PHF21A: variants seen among roughly 807,000 people sequenced by gnomAD.
The protein encoded by PHF21A is PHD finger protein 21A.
PHF21A carries 11 observed loss-of-function variants against 82.5 expected under a neutral mutation model. The observed-to-expected ratio is 0.13, with a 90% CI of 0.08 to 0.22. The LOEUF (loss-of-function observed/expected upper bound fraction) is 0.22, where lower values mean the gene tolerates loss of function less well. PHF21A is among the 10% of genes least tolerant of loss of function. The probability of loss-of-function intolerance (pLI) is 1.00; values close to 1 mark genes in which losing one functional copy is unlikely to be tolerated. For missense variants in PHF21A, 579 were observed against 837.8 expected (o/e 0.69, Z 3.81); for synonymous variants, 297 against 302.8 (o/e 0.98, Z 0.20).
At chr11:46,015,031 A>T (rs200425880) in intron 6 of PHF21A, among the ~76,000 whole-genome samples, 114 of 96,108 alleles carry the variant, frequency 1.2e-3, no homozygotes, top group East Asian at 2.8e-3. Flanking sequence ...AAAAAATAAA[A>T]AATAGTTATT....
intron 12 of PHF21A, 114 bp from the exon 13 acceptor site, chr11:45,949,595 T>C (rs2091833669): frequency 2.3e-6 from 2 of 879,932 alleles, no homozygotes; most frequent in South Asian, 1.4e-5. Context: ...GGGACAAGTC[T>C]CTGTTTCACT....
chr11:45,937,527 C>T (rs762609466), intron 16 of PHF21A, among the ~76,000 whole-genome samples: 2 of 152,202 alleles, frequency 1.3e-5, no homozygotes, highest in Non-Finnish European at 2.9e-5. Flanking sequence ...GTCACCCAGG[C>T]TGGAGTGCAG....
At chr11:46,075,918 TA>T (rs1410474598) in intron 6 of PHF21A, among the ~76,000 whole-genome samples, 1 of 152,340 alleles carries the variant, frequency 6.6e-6, no homozygotes, top group East Asian at 1.9e-4. Flanking sequence ...AAATCCTCAA[TA>T]AAATGTCACT....
At chr11:46,087,878 C>G (rs1439920078) in intron 3 of PHF21A, among the ~76,000 whole-genome samples, 1 of 152,136 alleles carries the variant, frequency 6.6e-6, no homozygotes, top group Non-Finnish European at 1.5e-5. Flanking sequence ...GCCTTAGCAT[C>G]TTGAGTAGCT....
At chr11:46,056,249 A>T (rs1274206146) in intron 6 of PHF21A, among the ~76,000 whole-genome samples, 1 of 152,148 alleles carries the variant, frequency 6.6e-6, no homozygotes, top group East Asian at 1.9e-4. Context: ...GTCTTTCTCA[A>T]GAGAGTCAAT....
intron 4 of PHF21A, among the ~76,000 whole-genome samples, chr11:46,081,752 T>C (rs920450139): frequency 1.4e-4 from 22 of 152,336 alleles, no homozygotes; most frequent in Admixed American, 8.5e-4. Flanking sequence ...AAACAACCCA[T>C]AGGCCAAATC....
chr11:46,112,445 CAATT>C lies in PHF21A; in HGVS notation c.-237+8486_-237+8489del, dbSNP rs1303450672. 2.6e-5 allele frequency among the ~76,000 whole-genome samples: 4 copies of C among 152,276 alleles called. 1 individual carries two copies. In the East Asian group the frequency reaches 7.7e-4, roughly 29 times the overall value. On this transcript the variant is annotated intron_variant, in intron 1 of 18. Coordinates refer to ENST00000676320, the MANE Select transcript of PHF21A (RefSeq NM_001352027.3). ...TGCTAGGTACGGTCATAGATTTTAA[CAATT>C]AATCCCTGTAACAACCCTCTGATAT...
In PHF21A at chr11:45,965,618, A is replaced by T; in HGVS notation, c.703-10T>A. On this transcript the variant is annotated splice_polypyrimidine_tract_variant and intron_variant, in intron 9 of 18. Coordinates refer to ENST00000676320, the MANE Select transcript of PHF21A (RefSeq NM_001352027.3). ...CAGGCTTGGGTCGAACCTATAGGGG[A>T]AAGAGAGAATAATTATTGTATTACT... 1 of 1,519,000 alleles carries T rather than the reference A, an allele frequency of 6.6e-7. No homozygotes were observed. The highest frequency in any genetic ancestry group is 8.8e-7 in the Non-Finnish European group (1 of 1,133,788). The allele number at this position is 1,519,000 out of a possible 1,614,324, so 94.1% of individuals were successfully genotyped here. A position where few individuals can be genotyped will look rare whatever the true frequency, so the allele number is the denominator to read the frequency against.
intron 6 of PHF21A, among the ~76,000 whole-genome samples, chr11:45,989,627 C>T (rs2094610479): frequency 6.6e-6 from 1 of 151,370 alleles, no homozygotes; most frequent in South Asian, 2.1e-4. Context: ...CAATATCATG[C>T]CACTGCACTC....
At chr11:45,958,203 T>G (rs577083953) in intron 10 of PHF21A, among the ~76,000 whole-genome samples, 1 of 150,944 alleles carries the variant, frequency 6.6e-6, no homozygotes, top group Admixed American at 6.6e-5. Flanking sequence ...TTAGCACCAA[T>G]CTGTCTCAAA....
At chr11:46,009,458 T>C (rs960933514) in intron 6 of PHF21A, among the ~76,000 whole-genome samples, 5 of 152,216 alleles carry the variant, frequency 3.3e-5, no homozygotes, top group Admixed American at 6.5e-5. Context: ...ACCAAGTGTC[T>C]GAACCATACA....
intron 6 of PHF21A, among the ~76,000 whole-genome samples, chr11:46,010,185 T>C (rs1312564343): frequency 2.0e-5 from 3 of 152,160 alleles, no homozygotes; most frequent in Admixed American, 1.3e-4. Flanking sequence ...CATGAAGCAG[T>C]CTCCTGGGCA....
In PHF21A at chr11:45,980,066, TAA is replaced by T; in HGVS notation, c.154-102_154-101del. ...CATCTTTTCTATAAATAGCTTCATC[TAA>T]AACTTATTACATCTAAATTTACACA... On this transcript the variant is annotated intron_variant, in intron 6 of 18. Coordinates refer to ENST00000676320, the MANE Select transcript of PHF21A (RefSeq NM_001352027.3). The T allele has an allele frequency of 2.6e-6, 4 of 1,520,410 alleles. No homozygotes were observed. The South Asian group carries it at 4.9e-5, about 19-fold the overall frequency. 94.2% of individuals were successfully genotyped at this position (1,520,410 alleles called of 1,614,324 possible).
intron 14 of PHF21A, among the ~76,000 whole-genome samples, chr11:45,948,363 G>T (rs2091599599): frequency 6.6e-6 from 1 of 152,180 alleles, no homozygotes; most frequent in African/African-American, 2.4e-5. Flanking sequence ...TGTTTTGAGA[G>T]TGACCTTTTC....
At position 45,931,222 on chromosome 11, in the gene PHF21A, A is replaced by C. The variant is rs1365816119; in HGVS notation, c.*2746T>G. ...CTCCTAAGGCAGCTCCTCTCTGAGC[A>C]AAGGCCTCTAGTGATGATGGTTTCC... On this transcript the variant is annotated 3_prime_UTR_variant, in exon 19 of 19. Transcript: ENST00000676320. 1 of 152,286 alleles carries C rather than the reference A, an allele frequency of 6.6e-6. No homozygotes were observed. Among genetic ancestry groups the C allele is most frequent in the Non-Finnish European group, 1.5e-5 (1 of 68,112 alleles). 9.4% of individuals were successfully genotyped at this position (152,286 alleles called of 1,614,324 possible).
intron 6 of PHF21A, among the ~76,000 whole-genome samples, chr11:46,073,066 C>T (rs887456137): frequency 6.6e-6 from 1 of 152,112 alleles, no homozygotes; most frequent in African/African-American, 2.4e-5. Flanking sequence ...CATTACATCA[C>T]GCCTGTAATC....
chr11:46,059,128 C>A (rs1247721165), intron 6 of PHF21A, among the ~76,000 whole-genome samples: 1 of 152,116 alleles, frequency 6.6e-6, no homozygotes, highest in Non-Finnish European at 1.5e-5. Context: ...TATTCCTTAT[C>A]TGATTTTTTT....
rs191024644 is a variant in PHF21A, at chr11:45,992,256, G to A, written c.154-12290C>T. Among the ~76,000 whole-genome samples the A allele has an allele frequency of 5.3e-5, 8 of 152,142 alleles. No individual in the cohort carries two copies. The East Asian group carries it at 5.8e-4, about 11-fold the overall frequency. ...CATTACTTAGAAAATTTTTCAGCCC[G>A]GCATGGTGGCTCATGCTTGTAATCC... On this transcript the variant is annotated intron_variant, in intron 6 of 18. Coordinates refer to ENST00000676320, the MANE Select transcript of PHF21A (RefSeq NM_001352027.3).
chr11:45,934,068 T>G lies in PHF21A; in HGVS notation c.1946A>C (p.Asp649Ala). 6.2e-7 allele frequency: 1 copy of G among 1,613,920 alleles called. No homozygotes were observed. Among genetic ancestry groups the G allele is most frequent in the Non-Finnish European group, 8.5e-7 (1 of 1,179,934 alleles). ...GGCGGCATTGGCAGGGGGGGTGCAGTCCGGGCCATTGGAGATGGCCCCCAC... is the reference window on the plus strand; with the variant it reads ...GGCGGCATTGGCAGGGGGGGTGCAGGCCGGGCCATTGGAGATGGCCCCCAC... ...ATVGAISNGP[D>A]CTPPANAATS... is the part of the protein sequence containing the mutation. Residue 649 changes from aspartate (D) to alanine (A), a missense_variant, in exon 19 of 19, where the codon GAC becomes GCC. Coordinates refer to ENST00000676320, the MANE Select transcript of PHF21A (RefSeq NM_001352027.3).
Sources: gnomAD v4.1 joint callset for allele counts (sites outside exome capture counted in the v4.1 genomes callset) on GRCh38, gnomAD v4.1.1 for gene constraint, MANE v1.5 for transcripts, NCBI Gene and HGNC (gene_info 2026-07-23, HGNC 2026-07-21) for gene names.